SLC8A1: variants seen among roughly 807,000 people sequenced by gnomAD.
The protein encoded by SLC8A1 is solute carrier family 8 member A1.
In SLC8A1, 18 loss-of-function variants were observed where a neutral mutation model predicts 68.3. The ratio of observed to expected loss-of-function variants is 0.26; its 90% CI spans 0.18 to 0.39. SLC8A1 has a LOEUF of 0.39. Ranked by LOEUF, SLC8A1 falls within the 10% of genes least tolerant of loss-of-function variation. The pLI, the probability that SLC8A1 is intolerant of heterozygous loss-of-function variation, is 1.00. For missense variants in SLC8A1, 985 were observed against 1,156.7 expected, an observed-to-expected ratio of 0.85 and a Z score of 2.15; for synonymous variants, 475 against 415.5, an observed-to-expected ratio of 1.14 and a Z score of -1.74.
chr2:40,510,669 T>C (rs1706663035), intron 1 of SLC8A1, among the ~76,000 whole-genome samples: 1 of 152,144 alleles, frequency 6.6e-6, no homozygotes, highest in Non-Finnish European at 1.5e-5. Context: ...TCTCTGTTAG[T>C]TTAAAAAAAG....
chr2:40,135,759 C>T (rs1449045579), intron 7 of SLC8A1, among the ~76,000 whole-genome samples: 1 of 151,868 alleles, frequency 6.6e-6, no homozygotes, highest in Admixed American at 6.6e-5. Flanking sequence ...ATCTGTAGGA[C>T]CTTTGACCAT....
At chr2:40,388,784 G>A (rs1296932080) in intron 2 of SLC8A1, among the ~76,000 whole-genome samples, 1 of 151,856 alleles carries the variant, frequency 6.6e-6, no homozygotes, top group Non-Finnish European at 1.5e-5. Flanking sequence ...TAAACAACAT[G>A]ACTTAGAAAA....
intron 2 of SLC8A1, among the ~76,000 whole-genome samples, chr2:40,279,716 G>A (rs941451022): frequency 5.9e-5 from 9 of 152,124 alleles, no homozygotes; most frequent in Non-Finnish European, 1.0e-4. Flanking sequence ...CATCAGCCTT[G>A]TAAAGTACAC....
At chr2:40,153,779 A>G (rs1445036275) in intron 6 of SLC8A1, among the ~76,000 whole-genome samples, 1 of 152,218 alleles carries the variant, frequency 6.6e-6, no homozygotes, top group Non-Finnish European at 1.5e-5. Context: ...AACATTCCTT[A>G]TGATGGGATT....
In SLC8A1 at chr2:40,372,546, T is replaced by C. The variant is rs1167036774; in HGVS notation, c.1808+55927A>G. ...ATATTCTGTGGGCTTGACCGCCCCA[T>C]GAAGGCAAGCAATATTAACTTTTCT... On this transcript the variant is annotated intron_variant, in intron 2 of 7. Transcript: ENST00000406785. 6.6e-5 allele frequency among the ~76,000 whole-genome samples: 10 copies of C among 152,158 alleles called. No homozygotes were observed. The East Asian group carries it at 1.4e-3, about 21-fold the overall frequency.
At chr2:40,160,674 G>C in intron 6 of SLC8A1, 91 bp downstream of exon 9, 1 of 1,076,790 alleles carries the variant, frequency 9.3e-7, no homozygotes. Context: ...GAAGCCCTTT[G>C]GTGCTTTGCC....
chr2:40,505,554 A>G (rs1245685848), intron 1 of SLC8A1, among the ~76,000 whole-genome samples: 1 of 151,972 alleles, frequency 6.6e-6, no homozygotes, highest in African/African-American at 2.4e-5. Context: ...ATAGAGCTCA[A>G]TTCTAGGTGC....
At chr2:40,366,400 A>G (rs549230875) in intron 2 of SLC8A1, among the ~76,000 whole-genome samples, 4 of 152,094 alleles carry the variant, frequency 2.6e-5, no homozygotes, top group Non-Finnish European at 5.9e-5. Flanking sequence ...CACCAGAAAA[A>G]TAAGAATATA....
At chr2:40,168,753 G>A (rs1350302165) in intron 4 of SLC8A1, among the ~76,000 whole-genome samples, 4 of 152,252 alleles carry the variant, frequency 2.6e-5, no homozygotes, top group African/African-American at 9.6e-5. Flanking sequence ...CTTCTGCAGA[G>A]TGAGATAATA....
At chr2:40,268,597 C>T (rs1213627538) in intron 2 of SLC8A1, among the ~76,000 whole-genome samples, 2 of 152,102 alleles carry the variant, frequency 1.3e-5, no homozygotes, top group Admixed American at 1.3e-4. Flanking sequence ...CCTTTAGGAC[C>T]AGGAGAGGCT....
At chr2:40,428,638 T>G (rs1697512289) in exon 2 of SLC8A1, 2 of 1,613,726 alleles carry the variant, frequency 1.2e-6, no homozygotes, top group Admixed American at 1.7e-5. Context: ...CTCACTCACA[T>G]GAGTCACAGG....
chr2:40,491,825 C>G lies in SLC8A1; in HGVS notation c.-25+20524G>C, dbSNP rs192689273. Reference sequence around the variant, plus strand: ...TGAACCAGCCTTGCATCCCAGACCACTGCTCAGTGAAATAAAAGAGGATAC... The same window carrying G: ...TGAACCAGCCTTGCATCCCAGACCAGTGCTCAGTGAAATAAAAGAGGATAC... On this transcript the variant is annotated intron_variant, in intron 1 of 7. Coordinates refer to the SLC8A1 transcript ENST00000402441. Among the ~76,000 whole-genome samples the G allele has an allele frequency of 2.9e-3, 444 of 152,176 alleles. 3 individuals carry two copies. Among genetic ancestry groups the G allele is most frequent in the Middle Eastern group, 6.8e-3 (2 of 294 alleles).
intron 2 of SLC8A1, among the ~76,000 whole-genome samples, chr2:40,223,204 A>C (rs969538665): frequency 1.3e-5 from 2 of 152,230 alleles, no homozygotes; most frequent in East Asian, 3.8e-4. Context: ...GGATGAGTTC[A>C]TGTTCTTTGC....
chr2:40,507,616 A>G (rs1372322181), intron 1 of SLC8A1, among the ~76,000 whole-genome samples: 1 of 151,960 alleles, frequency 6.6e-6, no homozygotes, highest in Non-Finnish European at 1.5e-5. Context: ...GCAGTGTAGA[A>G]CAGAGCTTAA....
chr2:40,176,240 T>C (rs907121009), intron 3 of SLC8A1, among the ~76,000 whole-genome samples: 2 of 152,164 alleles, frequency 1.3e-5, no homozygotes, highest in African/African-American at 2.4e-5. Context: ...AAGTCAGTAA[T>C]TTATTAATAG....
chr2:40,402,300 A>T (rs778916404), intron 2 of SLC8A1, among the ~76,000 whole-genome samples: 23 of 152,220 alleles, frequency 1.5e-4, no homozygotes, highest in Non-Finnish European at 4.4e-5. Context: ...TGTATGGTCT[A>T]AACAGGGAGA....
chr2:40,225,656 G>A (rs542611410), intron 2 of SLC8A1, among the ~76,000 whole-genome samples: 93 of 152,210 alleles, frequency 6.1e-4, no homozygotes, highest in African/African-American at 2.2e-3. Flanking sequence ...TCTTAAAGCC[G>A]CGCTTGCCTA....
intron 2 of SLC8A1, among the ~76,000 whole-genome samples, chr2:40,344,240 T>G (rs1668550811): frequency 1.3e-5 from 2 of 152,210 alleles, no homozygotes; most frequent in African/African-American, 2.4e-5. Flanking sequence ...AACTCCTTTC[T>G]CCTGAGACAA....
chr2:40,468,606 T>C (rs1039208113), intron 1 of SLC8A1, among the ~76,000 whole-genome samples: 1 of 152,222 alleles, frequency 6.6e-6, no homozygotes, highest in African/African-American at 2.4e-5. Flanking sequence ...TATAGTAATC[T>C]ATGTTTAAAT....
Sources: gnomAD v4.1 joint callset for allele counts (sites outside exome capture counted in the v4.1 genomes callset) on GRCh38, gnomAD v4.1.1 for gene constraint, MANE v1.5 for transcripts, NCBI Gene and HGNC (gene_info 2026-07-23, HGNC 2026-07-21) for gene names.